Variants in VPS13B observed in about 807,000 individuals in gnomAD.
The protein encoded by VPS13B is vacuolar protein sorting 13 homolog B, also known as intermembrane lipid transfer protein VPS13B.
A neutral mutation model predicts 426.4 loss-of-function variants in VPS13B; 285 were observed. The observed-to-expected ratio is 0.67, with a 90% CI of 0.61 to 0.74. The LOEUF is 0.74. Among genes scored for constraint, VPS13B ranks in the 30% least tolerant of loss-of-function variants. The probability of loss-of-function intolerance (pLI) is 0.00; values close to 1 mark genes in which losing one functional copy is unlikely to be tolerated. For missense variants in VPS13B, 4,537 were observed against 4,782.6 expected, an observed-to-expected ratio of 0.95 and a Z score of 1.51; for synonymous variants, 1,676 against 1,676.4, an observed-to-expected ratio of 1.00 and a Z score of 0.01.
intron 2 of VPS13B, among the ~76,000 whole-genome samples, chr8:99,024,301 T>C (rs7835049): frequency 0.74 from 112,054 of 152,214 alleles, 41,858 homozygotes; most frequent in South Asian, 0.84. Flanking sequence ...CGCACATGTG[T>C]GCTATTGAGT....
chr8:99,041,518 A>C (rs1202201335), intron 3 of VPS13B, among the ~76,000 whole-genome samples: 1 of 152,182 alleles, frequency 6.6e-6, no homozygotes, highest in African/African-American at 2.4e-5. Context: ...CTTGCTATAC[A>C]ATTTAAAAAA....
At chr8:99,594,960 T>C (rs545570846) in intron 33 of VPS13B, among the ~76,000 whole-genome samples, 1 of 152,118 alleles carries the variant, frequency 6.6e-6, no homozygotes, top group African/African-American at 2.4e-5. Flanking sequence ...GTCAAATTAA[T>C]TATTGCTGAA....
intron 7 of VPS13B, chr8:99,119,221 A>C (rs1213206356): frequency 1.1e-4 from 16 of 152,014 alleles, no homozygotes. Context: ...GTGTCTTTTA[A>C]AAATTTTATT....
chr8:99,131,801 A>G (rs1809819140), intron 8 of VPS13B, among the ~76,000 whole-genome samples: 1 of 152,198 alleles, frequency 6.6e-6, no homozygotes, highest in Admixed American at 6.5e-5. Context: ...ATTTCTCAAA[A>G]TAAGACAGCA....
intron 29 of VPS13B, among the ~76,000 whole-genome samples, chr8:99,518,296 G>T (rs1184368819): frequency 6.6e-6 from 1 of 152,122 alleles, no homozygotes. Context: ...CGTAATTGAG[G>T]ACTGCTGCTT....
At chr8:99,739,934 C>T (rs1172817290) in intron 39 of VPS13B, among the ~76,000 whole-genome samples, 4 of 152,178 alleles carry the variant, frequency 2.6e-5, no homozygotes, top group African/African-American at 7.2e-5. Context: ...TCCAAAGGAA[C>T]GCAGCTCCTC....
At chr8:99,774,444 G>T (rs944223837) in intron 40 of VPS13B, among the ~76,000 whole-genome samples, 1 of 152,168 alleles carries the variant, frequency 6.6e-6, no homozygotes, top group African/African-American at 2.4e-5. Flanking sequence ...TATAAGTAAA[G>T]ATTGTATTAG....
chr8:99,829,353 G>T (rs1361300027), intron 51 of VPS13B, among the ~76,000 whole-genome samples: 1 of 152,002 alleles, frequency 6.6e-6, no homozygotes, highest in African/African-American at 2.4e-5. Context: ...TTGGTCTTCG[G>T]TCTCTGATAT....
At chr8:99,302,675 A>G (rs751454020) in intron 19 of VPS13B, among the ~76,000 whole-genome samples, 3 of 152,024 alleles carry the variant, frequency 2.0e-5, no homozygotes, top group Non-Finnish European at 2.9e-5. Flanking sequence ...CACCCAGCTG[A>G]TTTTTATATT....
chr8:99,515,361 AGCTGCT>A (rs576737553), intron 29 of VPS13B, among the ~76,000 whole-genome samples: 7 of 150,052 alleles, frequency 4.7e-5, no homozygotes, highest in South Asian at 2.1e-4. Context: ...TTATTTTTAA[AGCTGCT>A]GCTGCTGCTG....
chr8:99,575,645 CTCTA>C lies in VPS13B; in HGVS notation c.4950-9_4950-6del. 6.2e-7 allele frequency: 1 copy of C among 1,613,576 alleles called. No homozygotes were observed. The highest frequency in any genetic ancestry group is 1.1e-5 in the South Asian group (1 of 91,066). ...TAATGAAATGGCTAATAATCTTTTA[CTCTA>C]TCTTTTAGCATACGGCGGCATCAAG... On this transcript the variant is annotated splice_polypyrimidine_tract_variant and intron_variant, in intron 31 of 61. Coordinates refer to ENST00000357162, the MANE Select transcript of VPS13B (RefSeq NM_152564.5).
At chr8:99,067,474 C>T (rs908879964) in intron 3 of VPS13B, among the ~76,000 whole-genome samples, 1 of 152,102 alleles carries the variant, frequency 6.6e-6, no homozygotes, top group Admixed American at 6.5e-5. Context: ...CGGGGAACAT[C>T]ACACCCTGGG....
chr8:99,697,176 G>T (rs746397052), intron 35 of VPS13B: 60 of 549,610 alleles, frequency 1.1e-4, no homozygotes, highest in Non-Finnish European at 1.8e-4. Flanking sequence ...GGAAGAGCAG[G>T]TGAAAGTGGC....
At chr8:99,425,507 A>G (rs1484426558) in intron 21 of VPS13B, among the ~76,000 whole-genome samples, 1 of 152,212 alleles carries the variant, frequency 6.6e-6, no homozygotes, top group Non-Finnish European at 1.5e-5. Context: ...CTTTGACAAA[A>G]TTCAACAGCC....
intron 17 of VPS13B, among the ~76,000 whole-genome samples, chr8:99,256,694 G>A (rs956066811): frequency 2.0e-5 from 3 of 152,046 alleles, no homozygotes; most frequent in Non-Finnish European, 2.9e-5. Context: ...TATCTTCTTT[G>A]GAGAAATGTC....
At chr8:99,747,748 C>G (rs925222591) in intron 39 of VPS13B, among the ~76,000 whole-genome samples, 1 of 151,980 alleles carries the variant, frequency 6.6e-6, no homozygotes, top group African/African-American at 2.4e-5. Flanking sequence ...TAATTGCATA[C>G]TAAACTTGGG....
At chr8:99,845,021 T>G (rs1470064213) in intron 54 of VPS13B, among the ~76,000 whole-genome samples, 2 of 152,162 alleles carry the variant, frequency 1.3e-5, no homozygotes, top group African/African-American at 4.8e-5. Context: ...GATCTACCTC[T>G]CAAGTCATCT....
chr8:99,814,051 G>T (rs1200024100), intron 44 of VPS13B, among the ~76,000 whole-genome samples: 3 of 152,170 alleles, frequency 2.0e-5, no homozygotes, highest in African/African-American at 7.2e-5. Flanking sequence ...GAGGCAAGAA[G>T]ATCCCTTGAG....
intron 23 of VPS13B, among the ~76,000 whole-genome samples, chr8:99,453,559 G>T (rs183951545): frequency 2.7e-4 from 41 of 152,018 alleles, no homozygotes; most frequent in African/African-American, 9.7e-4. Flanking sequence ...TTTAGTTAAG[G>T]GTTCTATAGC....
Sources: gnomAD v4.1 joint callset for allele counts (sites outside exome capture counted in the v4.1 genomes callset) on GRCh38, gnomAD v4.1.1 for gene constraint, MANE v1.5 for transcripts, NCBI Gene and HGNC (gene_info 2026-07-23, HGNC 2026-07-21) for gene names.